WWOX: variants seen among roughly 807,000 people sequenced by gnomAD.
The protein encoded by WWOX is WW domain containing oxidoreductase, also known as WW domain-containing oxidoreductase.
A neutral mutation model predicts 46.2 loss-of-function variants in WWOX; 69 were observed. The observed-to-expected ratio is 1.49, with a 90% CI of 1.23 to 1.82. The LOEUF is 1.82. Ranked by LOEUF, WWOX falls within the 40% of genes most tolerant of loss-of-function variation. The probability of loss-of-function intolerance (pLI) is 0.00; values close to 1 mark genes in which losing one functional copy is unlikely to be tolerated. For synonymous variants in WWOX, 359 were observed against 202.6 expected, an observed-to-expected ratio of 1.77 and a Z score of -6.56; for missense variants, 919 against 542.6, an observed-to-expected ratio of 1.69 and a Z score of -6.89.
intron 8 of WWOX, among the ~76,000 whole-genome samples, chr16:78,965,337 G>T (rs1030165420): frequency 6.6e-6 from 1 of 152,148 alleles, no homozygotes; most frequent in Non-Finnish European, 1.5e-5. Flanking sequence ...GGGAGGCTGA[G>T]GTGGGTGGAG....
At chr16:78,980,322 T>A (rs552416370) in intron 8 of WWOX, among the ~76,000 whole-genome samples, 14 of 152,324 alleles carry the variant, frequency 9.2e-5, no homozygotes, top group African/African-American at 3.4e-4. Context: ...GCCTTCAGGA[T>A]TTCCATGTCT....
intron 8 of WWOX, among the ~76,000 whole-genome samples, chr16:79,130,145 G>T (rs1055332176): frequency 4.6e-5 from 7 of 152,190 alleles, no homozygotes; most frequent in African/African-American, 7.2e-5. Context: ...ATTTGCCCAA[G>T]CTCACAGTCA....
At chr16:78,101,383 G>A in intron 1 of WWOX, among the ~76,000 whole-genome samples, 1 of 82,684 alleles carries the variant, frequency 1.2e-5, no homozygotes, top group Non-Finnish European at 2.6e-5. Flanking sequence ...GTCTCGCTCC[G>A]TCGCCCAAAC....
intron 5 of WWOX, among the ~76,000 whole-genome samples, chr16:78,371,200 T>A (rs982214647): frequency 3.9e-4 from 59 of 152,288 alleles, no homozygotes; most frequent in African/African-American, 1.3e-3. Flanking sequence ...TTTGCAAATT[T>A]TAGCTGAAGG....
At chr16:78,669,926 C>G (rs2047420642) in intron 8 of WWOX, among the ~76,000 whole-genome samples, 1 of 152,178 alleles carries the variant, frequency 6.6e-6, no homozygotes, top group African/African-American at 2.4e-5. Context: ...TAAGCACAAT[C>G]TTATTAATAG....
At position 78,347,244 on chromosome 16, in the gene WWOX, C is replaced by A. The variant is rs1031967741; in HGVS notation, c.517-39616C>A. ...TTCCATCCTTTAAATGTCAGTGTCCCCCACAATTCTGTTGTTGACCCTTTC... is the reference window on the plus strand; with the variant it reads ...TTCCATCCTTTAAATGTCAGTGTCCACCACAATTCTGTTGTTGACCCTTTC... On this transcript the variant is annotated intron_variant, in intron 5 of 8. Coordinates refer to ENST00000566780, the MANE Select transcript of WWOX (RefSeq NM_016373.4). Among the ~76,000 whole-genome samples the A allele has an allele frequency of 3.5e-5, 4 of 115,278 alleles. 1 individual carries two copies. The highest frequency in any genetic ancestry group is 1.7e-4 in the Admixed American group (2 of 11,608). 75.6% of individuals were successfully genotyped at this position (115,278 alleles called of 152,430 possible). A position where few individuals can be genotyped will look rare whatever the true frequency, so the allele number is the denominator to read the frequency against.
chr16:78,593,727 A>T (rs2045406316), intron 8 of WWOX, among the ~76,000 whole-genome samples: 4 of 44,690 alleles, frequency 9.0e-5, no homozygotes, highest in South Asian at 3.2e-3. Context: ...TGTTGTAGTT[A>T]AAAAAAAAAA....
At chr16:79,006,345 G>A (rs888228454) in intron 8 of WWOX, among the ~76,000 whole-genome samples, 21 of 152,288 alleles carry the variant, frequency 1.4e-4, no homozygotes, top group African/African-American at 4.8e-4. Context: ...GCCTCAGCAG[G>A]TTAGAGTGTC....
intron 8 of WWOX, among the ~76,000 whole-genome samples, chr16:78,451,615 G>T (rs1597103706): frequency 1.3e-5 from 2 of 152,320 alleles, no homozygotes; most frequent in Admixed American, 1.3e-4. Flanking sequence ...AATGGGGAAA[G>T]TAGCTCCCAC....
chr16:78,719,055 C>G lies in WWOX; in HGVS notation c.1056+286303C>G, dbSNP rs147949592. Reference sequence around the variant, plus strand: ...AGGGACAAGTAGAACTTAGTTCCAACAGAGCTAAAGGGTATTGGTGAAGAC... The same window carrying G: ...AGGGACAAGTAGAACTTAGTTCCAAGAGAGCTAAAGGGTATTGGTGAAGAC... On this transcript the variant is annotated intron_variant, in intron 8 of 8. Transcript: ENST00000566780. 1.3e-3 allele frequency among the ~76,000 whole-genome samples: 205 copies of G among 152,262 alleles called. 1 individual carries two copies. The highest frequency in any genetic ancestry group is 4.8e-3 in the African/African-American group (201 of 41,546).
chr16:78,115,918 C>T (rs926212778), intron 4 of WWOX, among the ~76,000 whole-genome samples: 1 of 152,184 alleles, frequency 6.6e-6, no homozygotes. Context: ...GTCAAGTTCT[C>T]TCTGTCCTTT....
chr16:78,466,693 C>G (rs934990081), intron 8 of WWOX, among the ~76,000 whole-genome samples: 2 of 151,998 alleles, frequency 1.3e-5, no homozygotes, highest in African/African-American at 4.8e-5. Context: ...ACTATAAATA[C>G]AAAAATTAGC....
At chr16:79,082,581 C>T (rs1296861801) in intron 8 of WWOX, among the ~76,000 whole-genome samples, 5 of 152,168 alleles carry the variant, frequency 3.3e-5, no homozygotes, top group Non-Finnish European at 5.9e-5. Flanking sequence ...ATCACTGTTT[C>T]ATGAAACACA....
chr16:78,403,047 C>CT (rs1297389482), intron 6 of WWOX, among the ~76,000 whole-genome samples: 2 of 152,210 alleles, frequency 1.3e-5, no homozygotes, highest in Non-Finnish European at 2.9e-5. Flanking sequence ...CAGCACACGG[C>CT]TGTCAGGGGC....
chr16:79,000,582 G>C (rs527358916), intron 8 of WWOX, among the ~76,000 whole-genome samples: 1 of 152,286 alleles, frequency 6.6e-6, no homozygotes, highest in Admixed American at 6.5e-5. Context: ...AATTCAGGCA[G>C]CGTCTAGAAG....
intron 8 of WWOX, among the ~76,000 whole-genome samples, chr16:79,093,281 A>C (rs1257780752): frequency 2.0e-5 from 3 of 152,220 alleles, no homozygotes; most frequent in African/African-American, 4.8e-5. Context: ...CAGAAACACT[A>C]AATACCTGTC....
At chr16:78,976,562 C>T (rs1288217441) in intron 8 of WWOX, among the ~76,000 whole-genome samples, 1 of 152,198 alleles carries the variant, frequency 6.6e-6, no homozygotes, top group South Asian at 2.1e-4. Flanking sequence ...TGATCTAGGT[C>T]TCAGCCTGGG....
intron 5 of WWOX, among the ~76,000 whole-genome samples, chr16:78,211,288 T>A (rs1293330013): frequency 6.6e-6 from 1 of 152,214 alleles, no homozygotes; most frequent in Non-Finnish European, 1.5e-5. Context: ...GGCAGGGGAC[T>A]CACACGTCAC....
At chr16:78,998,913 A>G (rs752145405) in intron 8 of WWOX, among the ~76,000 whole-genome samples, 2 of 152,208 alleles carry the variant, frequency 1.3e-5, no homozygotes, top group East Asian at 1.9e-4. Flanking sequence ...TTGCCTATGC[A>G]TGTATAAATG....
Sources: gnomAD v4.1 joint callset for allele counts (sites outside exome capture counted in the v4.1 genomes callset) on GRCh38, gnomAD v4.1.1 for gene constraint, MANE v1.5 for transcripts, NCBI Gene and HGNC (gene_info 2026-07-23, HGNC 2026-07-21) for gene names.